CLEC16A: variants seen among roughly 807,000 people sequenced by gnomAD.
CLEC16A encodes the protein protein CLEC16A.
In CLEC16A, 51 loss-of-function variants were observed where a neutral mutation model predicts 109.5. That is an observed-to-expected ratio of 0.47 (90% CI 0.37 to 0.59). CLEC16A has a LOEUF of 0.59. Among genes scored for constraint, CLEC16A ranks in the 20% least tolerant of loss-of-function variants. The pLI, the probability that CLEC16A is intolerant of heterozygous loss-of-function variation, is 0.00. For synonymous variants in CLEC16A, 673 were observed against 564.2 expected (o/e 1.19, Z -2.73); for missense variants, 1,339 against 1,394.0 (o/e 0.96, Z 0.63).
chr16:11,005,733 A>C (rs2044962246), intron 11 of CLEC16A, among the ~76,000 whole-genome samples: 1 of 152,182 alleles, frequency 6.6e-6, no homozygotes. Context: ...ATGAAACTGC[A>C]CAGCTGTTAA....
intron 22 of CLEC16A, among the ~76,000 whole-genome samples, chr16:11,150,920 G>T (rs183649303): frequency 2.0e-5 from 3 of 152,156 alleles, no homozygotes; most frequent in African/African-American, 7.2e-5. Context: ...TCATCTTCAC[G>T]TGATGTTCTA....
At chr16:11,144,163 G>A (rs1265143432) in intron 22 of CLEC16A, among the ~76,000 whole-genome samples, 1 of 152,126 alleles carries the variant, frequency 6.6e-6, no homozygotes, top group African/African-American at 2.4e-5. Flanking sequence ...CCACCTTAGA[G>A]TGAATACATC....
At chr16:10,975,481 A>G (rs1049421634) in intron 7 of CLEC16A, among the ~76,000 whole-genome samples, 6 of 152,222 alleles carry the variant, frequency 3.9e-5, no homozygotes, top group Non-Finnish European at 8.8e-5. Context: ...GAGGCACTTT[A>G]AATATACCAT....
intron 13 of CLEC16A, among the ~76,000 whole-genome samples, chr16:11,026,787 CAAGAA>C (rs2152817436): frequency 6.6e-6 from 1 of 151,866 alleles, no homozygotes; most frequent in African/African-American, 2.4e-5. Context: ...CTGTAACTTA[CAAGAA>C]AAGGGCTGGG....
chr16:11,178,327 C>G lies in CLEC16A; in HGVS notation c.2807-8C>G, dbSNP rs201376355. The G allele has an allele frequency of 2.5e-6, 4 of 1,597,948 alleles. No homozygotes were observed. Among genetic ancestry groups the G allele is most frequent in the African/African-American group, 1.3e-5 (1 of 74,786 alleles). The stretch of plus-strand genomic sequence containing the variant: ...CAGTGTGTTTCCGGTTTTTCTCCCC[C>G]AATCCAGATGCCCCCATGAGTCCAG... On this transcript the variant is annotated splice_polypyrimidine_tract_variant and splice_region_variant and intron_variant, in intron 23 of 23. Coordinates refer to ENST00000409790, the MANE Select transcript of CLEC16A (RefSeq NM_015226.3). The surrounding 1 kb of genome is among the most constrained non-coding windows in gnomAD (Gnocchi z 6.5).
At chr16:11,045,552 G>C (rs1478173700) in intron 16 of CLEC16A, among the ~76,000 whole-genome samples, 1 of 152,014 alleles carries the variant, frequency 6.6e-6, no homozygotes, top group East Asian at 1.9e-4. Context: ...GGGTGGTGGG[G>C]GGTGGTGGGG....
chr16:11,092,673 G>T (rs1258460584), intron 19 of CLEC16A, among the ~76,000 whole-genome samples: 3 of 152,118 alleles, frequency 2.0e-5, no homozygotes, highest in African/African-American at 7.2e-5. Context: ...AAAACTTTTG[G>T]TTCCTTCCTT....
chr16:11,125,961 G>A lies in CLEC16A; in HGVS notation c.2474-18G>A. ...ATCCCACATGCTCAGAGTGAACCAT[G>A]CTATTGTTTGACCGTAGCCCTCCTG... On this transcript the variant is annotated intron_variant, in intron 21 of 23. Coordinates refer to ENST00000409790, the MANE Select transcript of CLEC16A (RefSeq NM_015226.3). 2 of 1,575,314 alleles carry A rather than the reference G, an allele frequency of 1.3e-6. No individual in the cohort carries two copies. The highest frequency in any genetic ancestry group is 1.7e-6 in the Non-Finnish European group (2 of 1,164,390).
chr16:11,043,284 C>T (rs1355693944), intron 15 of CLEC16A, among the ~76,000 whole-genome samples: 1 of 152,092 alleles, frequency 6.6e-6, no homozygotes. Flanking sequence ...CCAGGACATG[C>T]CTGTAACCCC....
In CLEC16A at chr16:10,987,149, C is replaced by G. The variant is rs377103348; in HGVS notation, c.1071+4158C>G. ...GGGATTACAGGTGTGAGCCACTGCA[C>G]CCAGCTTTTATGCAGTTTTTTTTTT... On this transcript the variant is annotated intron_variant, in intron 10 of 23. Transcript: ENST00000409790. 2.0e-5 allele frequency among the ~76,000 whole-genome samples: 3 copies of G among 152,100 alleles called. No individual in the cohort carries two copies. In the East Asian group the frequency reaches 5.8e-4, roughly 29 times the overall value.
chr16:11,120,758 C>A lies in CLEC16A; in HGVS notation c.2260C>A (p.Leu754Ile). 6.5e-7 allele frequency: 1 copy of A among 1,545,050 alleles called. No homozygotes were observed. Among genetic ancestry groups the A allele is most frequent in the Non-Finnish European group, 8.8e-7 (1 of 1,141,156 alleles). Residue 754 changes from leucine to isoleucine, a missense_variant, in exon 20 of 24, where the codon CTA becomes ATA. Physicochemically the swap from Leu to Ile is conservative, Grantham distance 5. Transcript: ENST00000409790. ...CTGGGGAGTGGTCAAGTTTGCAGGC[C>A]TATTGCAGGTAAGATGGCCAGGAGC... ...LGWGVVKFAG[L>I]LQDMQVTGVE...
Position 10,972,955 on chromosome 16 carries a change from C to G in CLEC16A, c.622C>G (p.Leu208Val), listed in dbSNP as rs377250814. The change falls in exon 7 of 24, where the codon CTG (leucine) becomes GTG (valine). Residue 208 changes from leucine to valine, a missense_variant. Transcript: ENST00000409790. ...YKVSLDNQAM[L>V]HYIRDKTAVP... ...TTTCTCAGTGGATAACCAGGCCATG[C>G]TGCACTACATCCGAGATAAAACTGC... The G allele has an allele frequency of 1.9e-6, 3 of 1,609,578 alleles. No individual in the cohort carries two copies. In the African/African-American group the frequency reaches 4.1e-5, roughly 22 times the overall value.
intron 4 of CLEC16A, among the ~76,000 whole-genome samples, chr16:10,969,799 G>A (rs181511436): frequency 2.6e-5 from 4 of 152,192 alleles, no homozygotes; most frequent in South Asian, 2.1e-4. Flanking sequence ...CTTCCCTGCT[G>A]TGTCACCTTA....
At chr16:11,147,597 G>T (rs2054119036) in intron 22 of CLEC16A, among the ~76,000 whole-genome samples, 1 of 152,190 alleles carries the variant, frequency 6.6e-6, no homozygotes, top group South Asian at 2.1e-4. Flanking sequence ...GTTCTAAATT[G>T]ATTGTGGAGG....
At chr16:11,084,760 C>G (rs979771419) in intron 19 of CLEC16A, among the ~76,000 whole-genome samples, 2 of 152,180 alleles carry the variant, frequency 1.3e-5, no homozygotes, top group Non-Finnish European at 2.9e-5. Context: ...GTAAATCATT[C>G]GCGTTCCACC....
At position 11,020,294 on chromosome 16, in the gene CLEC16A, G is replaced by A. The variant is rs201162849; in HGVS notation, c.1405G>A (p.Ala469Thr). The stretch of plus-strand genomic sequence containing the variant: ...CACGGACGAGGAGAAAAGCGCCGCC[G>A]CCACCTGCTCTGAGAGCACGCAATG... ...NTTDEEKSAA[A>T]TCSESTQWSR... The change falls in exon 12 of 24, where the codon GCC becomes ACC. Residue 469 changes from alanine to threonine, a missense_variant. This residue lies in a region of CLEC16A where 1,061 missense variants were observed against 1,006.8 expected (regional missense o/e 1.05). Coordinates refer to ENST00000409790, the MANE Select transcript of CLEC16A (RefSeq NM_015226.3). 6 of 1,612,986 alleles carry A rather than the reference G, an allele frequency of 3.7e-6. No homozygotes were observed. Among genetic ancestry groups the A allele is most frequent in the East Asian group, 2.2e-5 (1 of 44,828 alleles).
chr16:11,056,335 T>C (rs1369702140), intron 18 of CLEC16A, among the ~76,000 whole-genome samples: 1 of 152,144 alleles, frequency 6.6e-6, no homozygotes, highest in Non-Finnish European at 1.5e-5. Flanking sequence ...GGCTGTGAAG[T>C]GACAAGCCCA....
Position 11,174,562 on chromosome 16 carries a change from C to T in CLEC16A, c.2807-3773C>T, listed in dbSNP as rs2068667814. On this transcript the variant is annotated intron_variant, in intron 23 of 23. Coordinates refer to ENST00000409790, the MANE Select transcript of CLEC16A (RefSeq NM_015226.3). This position sits in a 1 kb window ranked among gnomAD's most constrained non-coding sequence, Gnocchi z 4.7. ...ACCTGTACAGCCTGGAAACGCTGTCCTTCTCTGTGACATGTGCACCAGTGT... is the reference window on the plus strand; with the variant it reads ...ACCTGTACAGCCTGGAAACGCTGTCTTTCTCTGTGACATGTGCACCAGTGT... Among the ~76,000 whole-genome samples the T allele has an allele frequency of 6.6e-6, 1 of 152,246 alleles. No individual in the cohort carries two copies. The highest frequency in any genetic ancestry group is 1.5e-5 in the Non-Finnish European group (1 of 68,048).
Position 11,133,440 on chromosome 16 carries a change from T to C in CLEC16A, c.2641+7294T>C, listed in dbSNP as rs1426945159. 2.0e-5 allele frequency among the ~76,000 whole-genome samples: 3 copies of C among 151,628 alleles called. No individual in the cohort carries two copies. The East Asian group carries it at 5.8e-4, about 29-fold the overall frequency. On this transcript the variant is annotated intron_variant, in intron 22 of 23. Coordinates refer to ENST00000409790, the MANE Select transcript of CLEC16A (RefSeq NM_015226.3). ...ATCAAAGGCACCTAAACCGGCAGGG[T>C]CAGTCACGTGACCCAGAGCACTTAA...
Sources: gnomAD v4.1 joint callset for allele counts (sites outside exome capture counted in the v4.1 genomes callset) on GRCh38, gnomAD v4.1.1 for gene constraint, gnomAD v4.1.1 regional missense constraint, Gnocchi (gnomAD v3.1) non-coding constraint, MANE v1.5 for transcripts, NCBI Gene and HGNC (gene_info 2026-07-23, HGNC 2026-07-21) for gene names.